WASHC4: variants seen among roughly 807,000 people sequenced by gnomAD.
The protein encoded by WASHC4 is WASH complex subunit 4, also known as WASH complex subunit 7.
A neutral mutation model predicts 166.6 loss-of-function variants in WASHC4; 86 were observed. That is an observed-to-expected ratio of 0.52 (90% CI 0.43 to 0.62). The LOEUF (loss-of-function observed/expected upper bound fraction) is 0.62, where lower values mean the gene tolerates loss of function less well. WASHC4 is among the 20% of genes least tolerant of loss of function. WASHC4 has a pLI of 0.00. For synonymous variants in WASHC4, 446 were observed against 451.6 expected (o/e 0.99, Z 0.16); for missense variants, 1,262 against 1,382.4 (o/e 0.91, Z 1.38).
At chr12:105,120,043 G>T (rs373895622) in intron 7 of WASHC4, among the ~76,000 whole-genome samples, 1 of 152,070 alleles carries the variant, frequency 6.6e-6, no homozygotes, top group African/African-American at 2.4e-5. Context: ...ACCTGCCTGG[G>T]CAATATAGCG....
rs188738946 is a variant in WASHC4, at chr12:105,147,631, C to T, written c.2514+485C>T. 335 of 989,668 alleles carry T rather than the reference C, an allele frequency of 3.4e-4. 1 individual carries two copies. The Middle Eastern group carries it at 3.6e-3, about 11-fold the overall frequency. 61.3% of individuals were successfully genotyped at this position (989,668 alleles called of 1,614,324 possible). ...TTAGAAATGGGCATTCACCGCTTGG[C>T]GTGGTGGCTCACGCTTGTAATCCCA... is the stretch of plus-strand genomic sequence containing the variant. On this transcript the variant is annotated intron_variant, in intron 24 of 32. Transcript: ENST00000332180.
intron 7 of WASHC4, 52 bp from the exon 8 acceptor site, chr12:105,120,503 A>AATT: frequency 9.5e-7 from 1 of 1,056,912 alleles, no homozygotes; most frequent in Non-Finnish European, 1.5e-6. Context: ...AAATAAGAAT[A>AATT]AACTATGACA....
rs771622712 is a variant in WASHC4 at position 105,168,529 on chromosome 12, C to A, written c.*1598C>A. The A allele has an allele frequency of 7.4e-4, 113 of 152,398 alleles. No individual in the cohort carries two copies. The highest frequency in any genetic ancestry group is 1.3e-3 in the Non-Finnish European group (91 of 67,876). The allele number at this position is 152,398 out of a possible 1,614,324, so 9.4% of individuals were successfully genotyped here. On this transcript the variant is annotated 3_prime_UTR_variant, in exon 33 of 33. Transcript: ENST00000332180. Reference sequence around the variant, plus strand: ...TGTTTTCTCTGTTTTTCTTCTCTAACTTCTCTGAAATCATCTCCTATTAAG... The same window carrying A: ...TGTTTTCTCTGTTTTTCTTCTCTAAATTCTCTGAAATCATCTCCTATTAAG...
chr12:105,125,902 A>G, intron 10 of WASHC4, 102 bp from the exon 11 acceptor site: 17 of 1,120,542 alleles, frequency 1.5e-5, no homozygotes, highest in Non-Finnish European at 2.2e-5. Flanking sequence ...TTAAATGATG[A>G]ATATAGAAAT....
Position 105,133,914 on chromosome 12 carries a change from C to A in WASHC4, c.1326+18C>A. ...TTATACAGGTAGTTGCATCTTATTT[C>A]GGGGAATCATTTTTTTGTTAATCCA... On this transcript the variant is annotated intron_variant, in intron 14 of 32. Coordinates refer to ENST00000332180, the MANE Select transcript of WASHC4 (RefSeq NM_015275.3). The A allele has an allele frequency of 1.2e-6, 2 of 1,606,890 alleles. No homozygotes were observed. The highest frequency in any genetic ancestry group is 1.1e-5 in the South Asian group (1 of 90,654).
At chr12:105,124,437 C>T (rs776188133) in intron 10 of WASHC4, among the ~76,000 whole-genome samples, 27 of 151,482 alleles carry the variant, frequency 1.8e-4, no homozygotes, top group Non-Finnish European at 3.5e-4. Context: ...GTGAGGTGTG[C>T]CTGTATTGTG....
Position 105,127,309 on chromosome 12 carries a change from A to C in WASHC4, c.1199+20A>C. The C allele has an allele frequency of 6.7e-7, 1 of 1,487,848 alleles. No individual in the cohort carries two copies. Among genetic ancestry groups the C allele is most frequent in the Non-Finnish European group, 9.4e-7 (1 of 1,065,496 alleles). 92.2% of individuals were successfully genotyped at this position (1,487,848 alleles called of 1,614,324 possible). ...TACCAAGTAGGTTTTATAAACAAGTATAATGAAAATATTTAGATATCCTTT... is the reference window on the plus strand; with the variant it reads ...TACCAAGTAGGTTTTATAAACAAGTCTAATGAAAATATTTAGATATCCTTT... On this transcript the variant is annotated intron_variant, in intron 13 of 32. Coordinates refer to ENST00000332180, the MANE Select transcript of WASHC4 (RefSeq NM_015275.3).
At chr12:105,148,146 A>T in intron 24 of WASHC4, 1 of 985,186 alleles carries the variant, frequency 1.0e-6, no homozygotes, top group Non-Finnish European at 1.2e-6. Context: ...ATTTAAGTAT[A>T]CAGTGGAAAA....
chr12:105,164,552 TAATA>T (rs1884692896), intron 31 of WASHC4, 85 bp from the exon 32 acceptor site: 2 of 947,650 alleles, frequency 2.1e-6, no homozygotes, highest in South Asian at 1.4e-5. Context: ...TTAAAAATAA[TAATA>T]AGAGGCATAA....
At chr12:105,122,287 CA>C (rs748670789) in intron 10 of WASHC4, 49 bp downstream of exon 10, 1 of 1,585,280 alleles carries the variant, frequency 6.3e-7, no homozygotes. Flanking sequence ...TATTAGACGA[CA>C]AAGCTCAGAA....
At chr12:105,163,123 A>AT (rs1180373478) in intron 30 of WASHC4, among the ~76,000 whole-genome samples, 2 of 151,250 alleles carry the variant, frequency 1.3e-5, no homozygotes, top group East Asian at 2.0e-4. Flanking sequence ...CACCTGCCTA[A>AT]TTTTTTTTGC....
In WASHC4 at chr12:105,120,706, G is replaced by A. The variant is rs3751193; in HGVS notation, c.561+109G>A. The A allele has an allele frequency of 0.012, 4,391 of 377,976 alleles. 176 individuals carry two copies. The East Asian group carries it at 0.17, about 14-fold the overall frequency. The allele number at this position is 377,976 out of a possible 1,614,324, so 23.4% of individuals were successfully genotyped here. On this transcript the variant is annotated intron_variant, in intron 8 of 32. Coordinates refer to ENST00000332180, the MANE Select transcript of WASHC4 (RefSeq NM_015275.3). ...GTCATAGGAACACTCTTAAAGAGGC[G>A]TGTGTGTGTGTGTGTGTTTGTGTGT...
chr12:105,148,485 ATG>A, intron 24 of WASHC4: 2 of 985,300 alleles, frequency 2.0e-6, no homozygotes, highest in Non-Finnish European at 2.4e-6. Flanking sequence ...ACACTAATGA[ATG>A]TAGATTACTG....
intron 7 of WASHC4, among the ~76,000 whole-genome samples, chr12:105,119,012 A>G (rs1880464911): frequency 6.6e-6 from 1 of 152,246 alleles, no homozygotes; most frequent in Non-Finnish European, 1.5e-5. Flanking sequence ...ATTTAAATTA[A>G]AAAAGGGAAT....
rs572614070 is a variant in WASHC4 at position 105,151,214 on chromosome 12, G to A, written c.2650-1129G>A. Among the ~76,000 whole-genome samples the A allele has an allele frequency of 4.0e-5, 6 of 151,326 alleles. No individual in the cohort carries two copies. In the South Asian group the frequency reaches 1.3e-3, roughly 32 times the overall value. On this transcript the variant is annotated intron_variant, in intron 25 of 32. Coordinates refer to ENST00000332180, the MANE Select transcript of WASHC4 (RefSeq NM_015275.3). Reference sequence around the variant, plus strand: ...ACCTTCCAGGCTGAGTTTTCCCATAGTGAAGTGAAGTGAAGAATCTGTTGA... The same window carrying A: ...ACCTTCCAGGCTGAGTTTTCCCATAATGAAGTGAAGTGAAGAATCTGTTGA...
At chr12:105,109,672 G>A (rs950580077) in intron 1 of WASHC4, among the ~76,000 whole-genome samples, 9 of 81,630 alleles carry the variant, frequency 1.1e-4, no homozygotes, top group Non-Finnish European at 1.8e-4. Flanking sequence ...TTTTTTTTTC[G>A]AGACAAGGTC....
At chr12:105,114,574 T>C (rs2135724554) in intron 4 of WASHC4, 147 bp downstream of exon 4, 2 of 659,624 alleles carry the variant, frequency 3.0e-6, no homozygotes, top group Admixed American at 2.5e-5. Context: ...CTACCATTCA[T>C]TGAGTACTTA....
intron 13 of WASHC4, among the ~76,000 whole-genome samples, chr12:105,131,099 A>G (rs1274573861): frequency 1.2e-4 from 17 of 145,202 alleles, no homozygotes; most frequent in Non-Finnish European, 3.0e-5. Flanking sequence ...TTTTTTTTTG[A>G]GACGGAGTCT....
chr12:105,148,160 T>C (rs2135811144), intron 24 of WASHC4: 2 of 985,268 alleles, frequency 2.0e-6, no homozygotes, highest in Non-Finnish European at 1.2e-6. Context: ...TGGAAAAGCA[T>C]TGAAGATTTT....
Sources: allele counts gnomAD v4.1 joint callset (sites outside exome capture counted in the v4.1 genomes callset), GRCh38; gene constraint gnomAD v4.1.1; transcripts MANE v1.5; gene names NCBI Gene and HGNC (gene_info 2026-07-23, HGNC 2026-07-21).